LPO: variants seen among roughly 807,000 people sequenced by gnomAD.
LPO encodes the protein lactoperoxidase.
In LPO, 70 loss-of-function variants were observed where a neutral mutation model predicts 68.4. The ratio of observed to expected loss-of-function variants is 1.02; its 90% CI spans 0.84 to 1.25. LPO has a LOEUF of 1.25. Ranked by LOEUF, LPO falls within the 50% of genes most tolerant of loss-of-function variation. LPO has a pLI of 0.00. For synonymous variants in LPO, 360 were observed against 357.6 expected (o/e 1.01, Z -0.08); for missense variants, 873 against 908.4 (o/e 0.96, Z 0.50).
chr17:58,253,022 C>CAAAAAAAAAA (rs765890765), intron 8 of LPO, among the ~76,000 whole-genome samples: 3 of 31,092 alleles, frequency 9.6e-5, no homozygotes, highest in Admixed American at 4.9e-4. Flanking sequence ...GACTCCATCT[C>CAAAAAAAAAA]AAAAAAAAAA....
intron 1 of LPO, among the ~76,000 whole-genome samples, chr17:58,238,944 A>G (rs1969707364): frequency 6.6e-6 from 1 of 152,066 alleles, no homozygotes; most frequent in Non-Finnish European, 1.5e-5. Context: ...ACTGTGGGGG[A>G]AAAAGGCTTT....
chr17:58,252,263 C>A lies in LPO; in HGVS notation c.862C>A (p.Pro288Thr). 2.5e-6 allele frequency: 4 copies of A among 1,614,210 alleles called. No homozygotes were observed. The highest frequency in any genetic ancestry group is 3.4e-6 in the Non-Finnish European group (4 of 1,180,038). ...FRAGFVCPTP[P>T]YKSLAREQIN... ...AGCTGGGTTCGTCTGCCCCACTCCA[C>A]CCTACAAGTCCCTGGCCCGAGAGCA... The change falls in exon 8 of 13, where the codon CCC (proline) becomes ACC (threonine). Residue 288 changes from proline to threonine, a missense_variant. Transcript: ENST00000262290.
chr17:58,246,413 A>G (rs990438615), intron 3 of LPO, among the ~76,000 whole-genome samples: 1 of 152,216 alleles, frequency 6.6e-6, no homozygotes, highest in Non-Finnish European at 1.5e-5. Context: ...AGAGCTGTCT[A>G]GATGGGAGAG....
Position 58,252,535 on chromosome 17 carries a change from C to T in LPO, c.1105+29C>T, listed in dbSNP as rs1195477832. 3 of 1,591,336 alleles carry T rather than the reference C, an allele frequency of 1.9e-6. No homozygotes were observed. The South Asian group carries it at 3.3e-5, about 18-fold the overall frequency. ...AGTCTAGCCTGGGAACAGAAGGGCC[C>T]AAGGACAAGGGGATTATCCAGGGAA... is the stretch of plus-strand genomic sequence containing the variant. On this transcript the variant is annotated intron_variant, in intron 8 of 12. Transcript: ENST00000262290.
chr17:58,246,726 T>A (rs1250026901), intron 3 of LPO, among the ~76,000 whole-genome samples: 1 of 152,192 alleles, frequency 6.6e-6, no homozygotes, highest in African/African-American at 2.4e-5. Context: ...GGGACCCGGC[T>A]GATGGAGACA....
chr17:58,256,826 CAAAAAAAAA>C (rs969464308), intron 9 of LPO, among the ~76,000 whole-genome samples: 1 of 74,566 alleles, frequency 1.3e-5, no homozygotes, highest in African/African-American at 4.4e-5. Context: ...GACTCCCTTT[CAAAAAAAAA>C]AAAAAAAAGA....
At chr17:58,255,111 T>C in intron 9 of LPO, 140 bp downstream of exon 9, 6 of 760,330 alleles carry the variant, frequency 7.9e-6, no homozygotes, top group South Asian at 1.9e-5. Context: ...TGCTTCTCTC[T>C]TGTTGTCTCA....
At chr17:58,262,573 A>AT (rs1970194796) in intron 9 of LPO, among the ~76,000 whole-genome samples, 1 of 152,086 alleles carries the variant, frequency 6.6e-6, no homozygotes, top group African/African-American at 2.4e-5. Context: ...TTGTATTTTT[A>AT]GTAGAGACAG....
chr17:58,266,437 A>T, intron 11 of LPO, 111 bp downstream of exon 11: 1 of 1,283,648 alleles, frequency 7.8e-7, no homozygotes, highest in Non-Finnish European at 1.1e-6. Flanking sequence ...CAATTCTGAA[A>T]CAAAAGTCAG....
chr17:58,240,894 A>G (rs986283719), intron 1 of LPO, among the ~76,000 whole-genome samples: 2 of 152,100 alleles, frequency 1.3e-5, no homozygotes, highest in Non-Finnish European at 2.9e-5. Flanking sequence ...AGCCCTCTTT[A>G]AAAAAATCAG....
In LPO at chr17:58,268,292, T is replaced by G; in HGVS notation, c.*298T>G. ...CTCTTCCCTCCACAAGTCTTGGCCC[T>G]TAACCTTTATCTTTCTTCCTGTCCT... On this transcript the variant is annotated 3_prime_UTR_variant, in exon 13 of 13. Transcript: ENST00000262290. The G allele has an allele frequency of 2.4e-6, 1 of 415,124 alleles. No homozygotes were observed. 25.7% of individuals were successfully genotyped at this position (415,124 alleles called of 1,614,324 possible). A position where few individuals can be genotyped will look rare whatever the true frequency, so the allele number is the denominator to read the frequency against.
chr17:58,248,508 T>C (rs1276763170), intron 4 of LPO, among the ~76,000 whole-genome samples: 1 of 151,936 alleles, frequency 6.6e-6, no homozygotes, highest in East Asian at 1.9e-4. Flanking sequence ...CTCTCTCCAC[T>C]CTGTGCCCAC....
intron 8 of LPO, among the ~76,000 whole-genome samples, chr17:58,253,265 C>T (rs1404489037): frequency 1.3e-5 from 2 of 152,044 alleles, no homozygotes; most frequent in African/African-American, 4.8e-5. Flanking sequence ...TCTTCTATGA[C>T]GTGATTTTTA....
intron 6 of LPO, 35 bp from the exon 7 acceptor site, chr17:58,250,380 T>C: frequency 6.4e-7 from 1 of 1,570,984 alleles, no homozygotes; most frequent in Non-Finnish European, 8.8e-7. Context: ...CACTTTTTCC[T>C]CTAATCTGCC....
intron 10 of LPO, among the ~76,000 whole-genome samples, chr17:58,265,573 C>CTTTTT (rs71365866): frequency 4.7e-5 from 4 of 85,224 alleles, no homozygotes; most frequent in East Asian, 3.0e-4. Context: ...TTAAAAATAC[C>CTTTTT]TTTTTTTTTT....
In LPO at chr17:58,254,717, C is replaced by T. The variant is rs556352313; in HGVS notation, c.1106-94C>T. 41 of 1,269,018 alleles carry T rather than the reference C, an allele frequency of 3.2e-5. No homozygotes were observed. The East Asian group carries it at 7.3e-4, about 23-fold the overall frequency. The allele number at this position is 1,269,018 out of a possible 1,614,324, so 78.6% of individuals were successfully genotyped here. ...TGTTGACGGGGCGGGGGGGGCGGGG[C>T]GCGGTCCTGTGGGGCACCATCATTT... is the stretch of plus-strand genomic sequence containing the variant. On this transcript the variant is annotated intron_variant, in intron 8 of 12. Transcript: ENST00000262290.
rs1350989269 is a variant in LPO, at chr17:58,267,903, C to T, written c.2048C>T (p.Pro683Leu). 6.2e-7 allele frequency: 1 copy of T among 1,614,200 alleles called. No homozygotes were observed. The highest frequency in any genetic ancestry group is 8.5e-7 in the Non-Finnish European group (1 of 1,180,024). Residue 683 changes from proline (P) to leucine (L), a missense_variant, in exon 13 of 13, where the codon CCA becomes CTA. Pro to Leu is a moderately conservative substitution (Grantham distance 98). Transcript: ENST00000262290. ...CGCATCACCAAGGTCCCACGGGACC[C>T]ATTCTGGGCCAACAGCTACCCCTAT... ...NTRITKVPRDPFWANSYPYDF... is the reference protein window; with the variant it reads ...NTRITKVPRDLFWANSYPYDF...
At chr17:58,262,579 G>A (rs752731194) in intron 9 of LPO, among the ~76,000 whole-genome samples, 5 of 152,102 alleles carry the variant, frequency 3.3e-5, no homozygotes, top group Non-Finnish European at 7.4e-5. Context: ...TTTTAGTAGA[G>A]ACAGGATTTC....
chr17:58,261,638 G>A (rs1970177533), intron 9 of LPO, among the ~76,000 whole-genome samples: 1 of 151,484 alleles, frequency 6.6e-6, no homozygotes, highest in South Asian at 2.1e-4. Context: ...TAACATGTTA[G>A]GGATTAAATC....
Sources: gnomAD v4.1 joint callset for allele counts (sites outside exome capture counted in the v4.1 genomes callset) on GRCh38, gnomAD v4.1.1 for gene constraint, MANE v1.5 for transcripts, NCBI Gene and HGNC (gene_info 2026-07-23, HGNC 2026-07-21) for gene names.